ROBO2: variants seen among roughly 807,000 people sequenced by gnomAD.
The protein encoded by ROBO2 is roundabout guidance receptor 2.
ROBO2 carries 53 observed loss-of-function variants against 160.8 expected under a neutral mutation model. That is an observed-to-expected ratio of 0.33 (90% CI 0.26 to 0.41). ROBO2 has a LOEUF of 0.41. Ranked by LOEUF, ROBO2 falls within the 10% of genes least tolerant of loss-of-function variation. ROBO2 has a pLI of 1.00. For synonymous variants in ROBO2, 664 were observed against 611.7 expected, an observed-to-expected ratio of 1.09 and a Z score of -1.26; for missense variants, 1,577 against 1,722.4, an observed-to-expected ratio of 0.92 and a Z score of 1.49.
intron 2 of ROBO2, among the ~76,000 whole-genome samples, chr3:76,720,845 G>A (rs1360083525): frequency 2.6e-5 from 4 of 152,118 alleles, no homozygotes; most frequent in South Asian, 2.1e-4. Context: ...GTCATCAAGA[G>A]CATTTTGTTT....
chr3:76,126,060 C>T (rs2070973788), intron 2 of ROBO2, among the ~76,000 whole-genome samples: 2 of 152,070 alleles, frequency 1.3e-5, no homozygotes, highest in South Asian at 2.1e-4. Context: ...GTGATCCACC[C>T]TCCTCGGCCT....
chr3:76,848,703 G>A (rs2069021685), intron 2 of ROBO2, among the ~76,000 whole-genome samples: 2 of 152,150 alleles, frequency 1.3e-5, no homozygotes, highest in Admixed American at 1.3e-4. Context: ...ATGGGGAGAG[G>A]GAGAAAGAGA....
intron 2 of ROBO2, among the ~76,000 whole-genome samples, chr3:76,247,277 C>A (rs1407094667): frequency 6.6e-6 from 1 of 152,052 alleles, no homozygotes; most frequent in African/African-American, 2.4e-5. Context: ...ATGGCCACTG[C>A]TCCAATCAAA....
intron 2 of ROBO2, among the ~76,000 whole-genome samples, chr3:76,663,835 C>T (rs1188321014): frequency 5.3e-5 from 8 of 151,732 alleles, no homozygotes; most frequent in African/African-American, 1.5e-4. Context: ...ACCCGGGAGG[C>T]GGAGGTTGCA....
intron 2 of ROBO2, among the ~76,000 whole-genome samples, chr3:76,110,906 T>G (rs955774312): frequency 5.3e-5 from 8 of 152,156 alleles, no homozygotes; most frequent in African/African-American, 1.9e-4. Context: ...AACTTTATTT[T>G]TTTCTCTTTT....
At chr3:75,947,284 G>A (rs983313715) in intron 2 of ROBO2, among the ~76,000 whole-genome samples, 16 of 152,048 alleles carry the variant, frequency 1.1e-4, no homozygotes, top group Admixed American at 6.6e-4. Flanking sequence ...AGTTGACTTG[G>A]CTAGAGATGT....
chr3:77,445,159 G>A (rs1017659745), intron 2 of ROBO2, among the ~76,000 whole-genome samples: 3 of 152,134 alleles, frequency 2.0e-5, no homozygotes, highest in Admixed American at 6.6e-5. Flanking sequence ...AGAAGATGAA[G>A]ACAGGAGAGC....
chr3:76,203,410 C>A (rs1702635525), intron 2 of ROBO2, among the ~76,000 whole-genome samples: 1 of 151,708 alleles, frequency 6.6e-6, no homozygotes, highest in Admixed American at 6.6e-5. Flanking sequence ...TTGCCTCAGG[C>A]TCTCGGCTTC....
intron 2 of ROBO2, among the ~76,000 whole-genome samples, chr3:76,412,079 A>G (rs942441488): frequency 1.3e-5 from 2 of 152,156 alleles, no homozygotes; most frequent in Non-Finnish European, 2.9e-5. Context: ...GCAGGAAGTG[A>G]AAGGCACTTC....
intron 2 of ROBO2, among the ~76,000 whole-genome samples, chr3:76,740,053 A>G (rs1282730648): frequency 6.6e-6 from 1 of 152,232 alleles, no homozygotes; most frequent in African/African-American, 2.4e-5. Flanking sequence ...CCTAAACAAT[A>G]GCAGTACCAT....
At chr3:76,472,422 A>C (rs748288360) in intron 2 of ROBO2, among the ~76,000 whole-genome samples, 1 of 152,000 alleles carries the variant, frequency 6.6e-6, no homozygotes, top group Non-Finnish European at 1.5e-5. Context: ...AGATCTGTAA[A>C]AGAAATTTGT....
intron 2 of ROBO2, among the ~76,000 whole-genome samples, chr3:77,014,802 G>A (rs1259677262): frequency 6.6e-6 from 1 of 152,026 alleles, no homozygotes; most frequent in Non-Finnish European, 1.5e-5. Context: ...GAGAAAGAAA[G>A]CCAGCTTACA....
chr3:76,758,840 A>T (rs1351234366), intron 2 of ROBO2, among the ~76,000 whole-genome samples: 1 of 151,868 alleles, frequency 6.6e-6, no homozygotes, highest in Non-Finnish European at 1.5e-5. Context: ...GGTTATATAA[A>T]TACATGGTCT....
rs542986200 is a variant in ROBO2, at chr3:77,263,587, G to A, written c.388+165247G>A. On this transcript the variant is annotated intron_variant, in intron 2 of 25. Coordinates refer to ENST00000461745, the Ensembl canonical transcript of ROBO2. ...ATGTCCCTACAAAGGATATAATCGC[G>A]TTCTTTTATGGCTGCATAGTATTCC... is the stretch of plus-strand genomic sequence containing the variant. Among the ~76,000 whole-genome samples, 5 of 152,194 alleles carry A rather than the reference G, an allele frequency of 3.3e-5. No homozygotes were observed. In the East Asian group the frequency reaches 5.8e-4, roughly 18 times the overall value.
chr3:77,078,210 T>G (rs1289280690), intron 1 of ROBO2, among the ~76,000 whole-genome samples: 1 of 152,224 alleles, frequency 6.6e-6, no homozygotes, highest in East Asian at 1.9e-4. Flanking sequence ...AATACTGCTT[T>G]TTAGCTACTG....
intron 2 of ROBO2, among the ~76,000 whole-genome samples, chr3:77,162,751 G>T (rs1317179434): frequency 3.3e-5 from 5 of 152,162 alleles, no homozygotes; most frequent in Non-Finnish European, 5.9e-5. Context: ...TGAGGCCTGC[G>T]TTAGGGAGAT....
At chr3:77,598,559 C>A (rs2094363236) in intron 19 of ROBO2, among the ~76,000 whole-genome samples, 1 of 132,174 alleles carries the variant, frequency 7.6e-6, no homozygotes, top group Admixed American at 7.9e-5. Context: ...GCTTGGCATA[C>A]CATCAATCAT....
At chr3:77,568,390 A>G in exon 13 of ROBO2, 1 of 1,613,070 alleles carries the variant, frequency 6.2e-7, no homozygotes. Context: ...CCGTCTTCAT[A>G]ATCCAGTTGT....
At chr3:76,311,317 T>C (rs995566342) in intron 2 of ROBO2, 2 of 152,196 alleles carry the variant, frequency 1.3e-5, no homozygotes, top group East Asian at 3.9e-4. Flanking sequence ...TGGAGAAAAT[T>C]ACTAGGCTTG....
Sources: gnomAD v4.1 joint callset for allele counts (sites outside exome capture counted in the v4.1 genomes callset) on GRCh38, gnomAD v4.1.1 for gene constraint, MANE v1.5 for transcripts, NCBI Gene and HGNC (gene_info 2026-07-23, HGNC 2026-07-21) for gene names.